TRERF1: variants seen among roughly 807,000 people sequenced by gnomAD.
The protein encoded by TRERF1 is transcriptional-regulating factor 1.
In TRERF1, 27 loss-of-function variants were observed where a neutral mutation model predicts 122.9. The observed-to-expected ratio is 0.22, with a 90% CI of 0.16 to 0.30. The LOEUF is 0.30. TRERF1 is among the 10% of genes least tolerant of loss of function. TRERF1 has a pLI of 1.00. For missense variants in TRERF1, 1,248 were observed against 1,560.3 expected, an observed-to-expected ratio of 0.80 and a Z score of 3.37; for synonymous variants, 636 against 641.7, an observed-to-expected ratio of 0.99 and a Z score of 0.13.
chr6:42,296,698 A>G (rs1200165250), intron 4 of TRERF1, among the ~76,000 whole-genome samples: 2 of 152,118 alleles, frequency 1.3e-5, no homozygotes, highest in East Asian at 1.9e-4. Context: ...AGAAAAACCA[A>G]TCGCAGGAAG....
chr6:42,386,655 T>A (rs919385885), intron 2 of TRERF1, among the ~76,000 whole-genome samples: 12 of 152,086 alleles, frequency 7.9e-5, no homozygotes, highest in African/African-American at 2.4e-4. Context: ...AAGGAAAAGG[T>A]GGAAACACCT....
intron 4 of TRERF1, among the ~76,000 whole-genome samples, chr6:42,296,059 C>G (rs910396336): frequency 7.9e-5 from 12 of 152,158 alleles, no homozygotes; most frequent in Non-Finnish European, 1.3e-4. Flanking sequence ...ATCCCTTGAT[C>G]TGGGGGCCCT....
At chr6:42,367,451 A>G (rs1157383259) in intron 2 of TRERF1, among the ~76,000 whole-genome samples, 1 of 152,182 alleles carries the variant, frequency 6.6e-6, no homozygotes, top group East Asian at 1.9e-4. Context: ...GAAGTTTGTG[A>G]CAAACTTAGA....
At chr6:42,415,527 T>C (rs548718082) in intron 2 of TRERF1, among the ~76,000 whole-genome samples, 8 of 152,286 alleles carry the variant, frequency 5.3e-5, no homozygotes, top group South Asian at 2.1e-4. Context: ...CCATTTGACC[T>C]ATGTTTGATA....
At chr6:42,308,898 C>G (rs1230960957) in intron 3 of TRERF1, among the ~76,000 whole-genome samples, 1 of 151,950 alleles carries the variant, frequency 6.6e-6, no homozygotes, top group African/African-American at 2.4e-5. Flanking sequence ...ATAAGTTTAC[C>G]TCTGTAACAA....
intron 3 of TRERF1, among the ~76,000 whole-genome samples, chr6:42,320,375 C>T (rs911136743): frequency 6.6e-6 from 1 of 151,942 alleles, no homozygotes; most frequent in Non-Finnish European, 1.5e-5. Flanking sequence ...TGACATAGGA[C>T]AACAATTTAA....
chr6:42,426,299 T>C (rs1783628360), intron 2 of TRERF1, among the ~76,000 whole-genome samples: 1 of 152,126 alleles, frequency 6.6e-6, no homozygotes, highest in African/African-American at 2.4e-5. Flanking sequence ...GACCAACATA[T>C]GTAAATAAAC....
Position 42,303,904 on chromosome 6 carries a change from T to TAAAAAAAAA in TRERF1, c.-370-3164_-370-3156dup, listed in dbSNP as rs60880174. 8.2e-4 allele frequency among the ~76,000 whole-genome samples: 57 copies of TAAAAAAAAA among 69,230 alleles called. 1 individual carries two copies. Among genetic ancestry groups the TAAAAAAAAA allele is most frequent in the African/African-American group, 1.5e-3 (24 of 16,372 alleles). 45.4% of individuals were successfully genotyped at this position (69,230 alleles called of 152,430 possible). ...GGTGACAGAGGGAGACACTGTCTCA[T>TAAAAAAAAA]AAAAAAAAAAAAAAAAAAAAAAAAA... is the stretch of plus-strand genomic sequence containing the variant. On this transcript the variant is annotated intron_variant, in intron 3 of 17. Coordinates refer to ENST00000372922, the Ensembl canonical transcript of TRERF1.
At chr6:42,419,900 TTAATGC>T (rs1392872494) in intron 2 of TRERF1, among the ~76,000 whole-genome samples, 1 of 152,220 alleles carries the variant, frequency 6.6e-6, no homozygotes, top group Non-Finnish European at 1.5e-5. Context: ...ACACTGGGTG[TTAATGC>T]TGAAACCACA....
intron 3 of TRERF1, among the ~76,000 whole-genome samples, chr6:42,329,919 G>A (rs1431164201): frequency 2.0e-5 from 3 of 152,012 alleles, no homozygotes; most frequent in Non-Finnish European, 2.9e-5. Context: ...AACCCGGGAG[G>A]CAGACCTTGC....
At position 42,308,700 on chromosome 6, in the gene TRERF1, C is replaced by T. The variant is rs528157339; in HGVS notation, c.-370-7951G>A. ...AACGCAGGAACAGAAAACCAAATATCCCATGTTCTTACTTATAAGTGGGAG... is the reference window on the plus strand; with the variant it reads ...AACGCAGGAACAGAAAACCAAATATTCCATGTTCTTACTTATAAGTGGGAG... On this transcript the variant is annotated intron_variant, in intron 3 of 17. Transcript: ENST00000372922. Among the ~76,000 whole-genome samples, 10 of 152,274 alleles carry T rather than the reference C, an allele frequency of 6.6e-5. No homozygotes were observed. In the South Asian group the frequency reaches 1.7e-3, roughly 25 times the overall value.
At chr6:42,299,200 T>TTCTATCTATCTATCTATCTA (rs70987591) in intron 4 of TRERF1, among the ~76,000 whole-genome samples, 1 of 146,598 alleles carries the variant, frequency 6.8e-6, no homozygotes, top group Non-Finnish European at 1.5e-5. Flanking sequence ...GTCTGTTTTT[T>TTCTATCTATCTATCTATCTA]TCTATCTATC....
In TRERF1 at chr6:42,318,826, T is replaced by C. The variant is rs947538998; in HGVS notation, c.-370-18077A>G. Among the ~76,000 whole-genome samples, 39 of 152,230 alleles carry C rather than the reference T, an allele frequency of 2.6e-4. 1 individual carries two copies. The highest frequency in any genetic ancestry group is 5.9e-5 in the Non-Finnish European group (4 of 68,040). ...TGAAGACAACATTGTTTGATTCCTGTATTGGGAGGCCAACCATCCTCCAAA... is the reference window on the plus strand; with the variant it reads ...TGAAGACAACATTGTTTGATTCCTGCATTGGGAGGCCAACCATCCTCCAAA... On this transcript the variant is annotated intron_variant, in intron 3 of 17. Transcript: ENST00000372922.
chr6:42,417,625 A>AG (rs1177618522), intron 2 of TRERF1, among the ~76,000 whole-genome samples: 1 of 152,200 alleles, frequency 6.6e-6, no homozygotes, highest in Non-Finnish European at 1.5e-5. Flanking sequence ...CAAGAGACAG[A>AG]GGGCAAGGCT....
chr6:42,365,446 C>T (rs1468274271), intron 2 of TRERF1, among the ~76,000 whole-genome samples: 2 of 152,120 alleles, frequency 1.3e-5, no homozygotes, highest in Non-Finnish European at 2.9e-5. Flanking sequence ...ATCATTCTCC[C>T]GGGCTCCCAG....
intron 3 of TRERF1, among the ~76,000 whole-genome samples, chr6:42,359,889 T>C (rs539661290): frequency 6.6e-6 from 1 of 152,298 alleles, no homozygotes; most frequent in East Asian, 1.9e-4. Context: ...CTATCTATTT[T>C]CAGTTGTATG....
intron 2 of TRERF1, among the ~76,000 whole-genome samples, chr6:42,449,599 T>C (rs1048676719): frequency 1.3e-5 from 2 of 152,166 alleles, no homozygotes; most frequent in Non-Finnish European, 2.9e-5. Context: ...AATTCCACCC[T>C]GGAATGAACA....
intron 2 of TRERF1, among the ~76,000 whole-genome samples, chr6:42,403,931 A>ACC (rs1554205015): frequency 6.8e-6 from 1 of 147,966 alleles, no homozygotes; most frequent in African/African-American, 2.5e-5. Context: ...ATTCCATGAG[A>ACC]CCCCCCCCAG....
chr6:42,351,798 C>T (rs1393334101), intron 3 of TRERF1, among the ~76,000 whole-genome samples: 2 of 152,072 alleles, frequency 1.3e-5, no homozygotes, highest in Non-Finnish European at 2.9e-5. Flanking sequence ...GTGCCTTCTC[C>T]GTGCTCTCTT....
Sources: gnomAD v4.1 joint callset for allele counts (sites outside exome capture counted in the v4.1 genomes callset) on GRCh38, gnomAD v4.1.1 for gene constraint, MANE v1.5 for transcripts, NCBI Gene and HGNC (gene_info 2026-07-23, HGNC 2026-07-21) for gene names.